The following FAM135A variants were observed in gnomAD, a reference collection of about 807,000 sequenced individuals.
The protein encoded by FAM135A is protein FAM135A.
Under a neutral mutation model 146.8 loss-of-function variants are expected in FAM135A, and 79 were observed. The ratio of observed to expected loss-of-function variants is 0.54; its 90% confidence interval spans 0.45 to 0.65. FAM135A has a LOEUF of 0.65. Ranked by LOEUF, FAM135A falls within the 30% of genes least tolerant of loss-of-function variation. FAM135A has a pLI of 0.00. For synonymous variants in FAM135A, 562 were observed against 603.6 expected, an observed-to-expected ratio of 0.93 and a Z score of 1.01; for missense variants, 1,623 against 1,758.2, an observed-to-expected ratio of 0.92 and a Z score of 1.38.
intron 21 of FAM135A, chr6:70,557,593 C>G (rs1801098600): frequency 6.7e-6 from 1 of 148,370 alleles, no homozygotes; most frequent in Admixed American, 6.9e-5. Flanking sequence ...ACTTGGGAGG[C>G]TGAGGCACGA....
At chr6:70,540,557 C>A (rs1296974540) in intron 20 of FAM135A, among the ~76,000 whole-genome samples, 1 of 152,002 alleles carries the variant, frequency 6.6e-6, no homozygotes, top group Non-Finnish European at 1.5e-5. Flanking sequence ...GATCTCCTGA[C>A]CTTGTGATCC....
At position 70,482,994 on chromosome 6, in the gene FAM135A, C is replaced by T. The variant is rs545079728; in HGVS notation, c.823+840C>T. 3.4e-3 allele frequency among the ~76,000 whole-genome samples: 511 copies of T among 151,880 alleles called. 1 individual carries two copies. Among genetic ancestry groups the T allele is most frequent in the African/African-American group, 0.011 (472 of 41,438 alleles). On this transcript the variant is annotated intron_variant, in intron 10 of 21. Transcript: ENST00000418814. ...ATTGAATCTGTATTCTTACTTTATT[C>T]CTTTGTTCCTCAAGGATTTCAGTCT...
In FAM135A at chr6:70,458,781, C is replaced by T. The variant is rs184986563; in HGVS notation, c.157+6210C>T. ...AAAATAATGTTCTTCTGTCTAGATGCATTTCCTCCCCAGCAGTCTGAAAAA... is the reference window on the plus strand; with the variant it reads ...AAAATAATGTTCTTCTGTCTAGATGTATTTCCTCCCCAGCAGTCTGAAAAA... On this transcript the variant is annotated intron_variant, in intron 5 of 21. Coordinates refer to ENST00000418814, the MANE Select transcript of FAM135A (RefSeq NM_001162529.3). Among the ~76,000 whole-genome samples, 21 of 152,236 alleles carry T rather than the reference C, an allele frequency of 1.4e-4. No individual in the cohort carries two copies. In the East Asian group the frequency reaches 3.1e-3, roughly 22 times the overall value.
chr6:70,462,750 C>G (rs529884116), intron 5 of FAM135A, among the ~76,000 whole-genome samples: 1 of 152,156 alleles, frequency 6.6e-6, no homozygotes, highest in African/African-American at 2.4e-5. Context: ...ATGCTACTAC[C>G]CAGCTTTTAG....
intron 2 of FAM135A, among the ~76,000 whole-genome samples, chr6:70,422,694 G>T (rs1486286299): frequency 6.6e-6 from 1 of 152,172 alleles, no homozygotes; most frequent in Non-Finnish European, 1.5e-5. Flanking sequence ...CAGTATATCA[G>T]TGTAATAATT....
chr6:70,480,431 A>T (rs1783480624), intron 8 of FAM135A, among the ~76,000 whole-genome samples: 1 of 152,214 alleles, frequency 6.6e-6, no homozygotes, highest in Admixed American at 6.5e-5. Flanking sequence ...TAAGGGAAAT[A>T]AATTTATTTT....
At chr6:70,528,166 A>G in intron 15 of FAM135A, 126 bp from the exon 16 acceptor site, 1 of 746,200 alleles carries the variant, frequency 1.3e-6, no homozygotes. Context: ...AGGTGATGCC[A>G]CATATTTTCA....
chr6:70,543,751 C>G (rs1311464705), intron 20 of FAM135A, among the ~76,000 whole-genome samples: 1 of 152,082 alleles, frequency 6.6e-6, no homozygotes, highest in Non-Finnish European at 1.5e-5. Flanking sequence ...TGTCTTTATA[C>G]AGCATTATAC....
intron 20 of FAM135A, among the ~76,000 whole-genome samples, chr6:70,542,493 T>C (rs1798121989): frequency 6.6e-6 from 1 of 152,316 alleles, no homozygotes; most frequent in South Asian, 2.1e-4. Context: ...CTTGATGCCC[T>C]ATCTGATTTA....
chr6:70,468,967 CT>C (rs1024776208), intron 5 of FAM135A, among the ~76,000 whole-genome samples: 2 of 152,146 alleles, frequency 1.3e-5, no homozygotes, highest in Non-Finnish European at 2.9e-5. Context: ...CAGTTTTCTT[CT>C]TTGCTGATAG....
chr6:70,468,657 T>C (rs1780953994), intron 5 of FAM135A, among the ~76,000 whole-genome samples: 1 of 152,208 alleles, frequency 6.6e-6, no homozygotes, highest in Non-Finnish European at 1.5e-5. Context: ...GTTGCAAGTT[T>C]GGTAAAATCT....
chr6:70,455,039 A>G (rs545043321), intron 5 of FAM135A, among the ~76,000 whole-genome samples: 3 of 152,070 alleles, frequency 2.0e-5, no homozygotes, highest in East Asian at 3.9e-4. Flanking sequence ...CATTTTCACA[A>G]TATTGATTCT....
intron 4 of FAM135A, among the ~76,000 whole-genome samples, chr6:70,433,296 G>C (rs1452955346): frequency 6.6e-6 from 1 of 151,940 alleles, no homozygotes. Flanking sequence ...GTATGGTCTT[G>C]ATCTCCTGAC....
At chr6:70,518,873 A>G (rs1792889063) in intron 12 of FAM135A, among the ~76,000 whole-genome samples, 1 of 152,224 alleles carries the variant, frequency 6.6e-6, no homozygotes, top group Non-Finnish European at 1.5e-5. Flanking sequence ...ATGGAGATAT[A>G]CAAGGAGATT....
chr6:70,457,003 G>T (rs1220119825), intron 5 of FAM135A, among the ~76,000 whole-genome samples: 1 of 152,182 alleles, frequency 6.6e-6, no homozygotes, highest in African/African-American at 2.4e-5. Context: ...TCTATTCATT[G>T]CAGTGATCTA....
chr6:70,475,486 T>G lies in FAM135A; in HGVS notation c.234T>G (p.Asn78Lys), dbSNP rs1239232150. 6.2e-7 allele frequency: 1 copy of G among 1,606,698 alleles called. No homozygotes were observed. Among genetic ancestry groups the G allele is most frequent in the Admixed American group, 1.7e-5 (1 of 58,948 alleles). The change falls in exon 6 of 22, where the codon AAT becomes AAG. Residue 78 changes from asparagine (N) to lysine (K), a missense_variant. Asn to Lys is a moderately conservative substitution (Grantham distance 94). This residue lies in a region of FAM135A where 171 missense variants were observed against 164.9 expected (regional missense o/e 1.04). Coordinates refer to ENST00000418814, the MANE Select transcript of FAM135A (RefSeq NM_001162529.3). Reference sequence around the variant, plus strand: ...AAACATTTCAAATTTTGTACAAAAATGAAGAGGTTGTTTTAAATGATGTTA... The same window carrying G: ...AAACATTTCAAATTTTGTACAAAAAGGAAGAGGTTGTTTTAAATGATGTTA... ...CSKTFQILYK[N>K]EEVVLNDVMI...
chr6:70,470,762 G>A (rs1781472502), intron 5 of FAM135A, among the ~76,000 whole-genome samples: 1 of 152,304 alleles, frequency 6.6e-6, no homozygotes, highest in African/African-American at 2.4e-5. Context: ...TTAGAGGCTG[G>A]CTATCACACA....
rs551968567 is a variant in FAM135A at position 70,524,410 on chromosome 6, T to C, written c.1326T>C (p.Tyr442=). 78 of 1,530,656 alleles carry C rather than the reference T, an allele frequency of 5.1e-5. No homozygotes were observed. Among genetic ancestry groups the C allele is most frequent in the Non-Finnish European group, 6.5e-5 (74 of 1,141,762 alleles). 94.8% of individuals were successfully genotyped at this position (1,530,656 alleles called of 1,614,324 possible). A position where few individuals can be genotyped will look rare whatever the true frequency, so the allele number is the denominator to read the frequency against. The stretch of plus-strand genomic sequence containing the variant: ...CAGAGTCCAGTAAAATGGATAAATA[T>C]GAGACTGAAGAAAGCTCTGTAGCAG... ...QRSESSKMDK[Y]ETEESSVAGL... is the part of the protein sequence containing the mutation. Residue 442 remains tyrosine, a synonymous_variant, in exon 15 of 22, where the codon TAT becomes TAC. Transcript: ENST00000418814.
At chr6:70,546,275 G>C (rs1318448211) in intron 20 of FAM135A, among the ~76,000 whole-genome samples, 2 of 152,082 alleles carry the variant, frequency 1.3e-5, no homozygotes, top group African/African-American at 4.8e-5. Context: ...AATCAAAAGT[G>C]ATCATTTCTT....
Sources: allele counts gnomAD v4.1 joint callset (sites outside exome capture counted in the v4.1 genomes callset), GRCh38; gene constraint gnomAD v4.1.1; regional missense constraint gnomAD v4.1.1; transcripts MANE v1.5; gene names NCBI Gene and HGNC (gene_info 2026-07-23, HGNC 2026-07-21).